The following CNTNAP2 variants were observed in gnomAD, a reference collection of about 807,000 sequenced individuals.
CNTNAP2 encodes the protein contactin associated protein 2.
CNTNAP2 carries 98 observed loss-of-function variants against 155.2 expected under a neutral mutation model. The ratio of observed to expected loss-of-function variants is 0.63; its 90% CI spans 0.54 to 0.75. The LOEUF is 0.75. CNTNAP2 is among the 30% of genes least tolerant of loss of function. The pLI is 0.00. For synonymous variants in CNTNAP2, 651 were observed against 631.2 expected (o/e 1.03, Z -0.47); for missense variants, 1,727 against 1,688.1 (o/e 1.02, Z -0.40).
chr7:147,264,534 C>T (rs1804563970), intron 8 of CNTNAP2, among the ~76,000 whole-genome samples: 1 of 34 alleles, frequency 0.029, no homozygotes, highest in Non-Finnish European at 0.045. Flanking sequence ...TTACTGGTCC[C>T]TGCGGGCCTG....
At chr7:147,367,647 T>C (rs1283206152) in intron 9 of CNTNAP2, among the ~76,000 whole-genome samples, 1 of 152,094 alleles carries the variant, frequency 6.6e-6, no homozygotes, top group Admixed American at 6.6e-5. Flanking sequence ...AATGGAAGAA[T>C]TTACCACCCT....
intron 1 of CNTNAP2, among the ~76,000 whole-genome samples, chr7:146,410,812 G>T (rs980710103): frequency 3.9e-5 from 6 of 152,104 alleles, no homozygotes; most frequent in African/African-American, 1.4e-4. Flanking sequence ...TCTAGCCTCT[G>T]CTTCTCTGAG....
At chr7:146,173,054 A>T (rs1320154800) in intron 1 of CNTNAP2, among the ~76,000 whole-genome samples, 1 of 152,106 alleles carries the variant, frequency 6.6e-6, no homozygotes, top group Non-Finnish European at 1.5e-5. Flanking sequence ...ATATTGATAT[A>T]ATCCTATCTG....
chr7:147,557,459 T>A (rs950009431), intron 11 of CNTNAP2, among the ~76,000 whole-genome samples: 2 of 142,200 alleles, frequency 1.4e-5, no homozygotes, highest in Non-Finnish European at 3.1e-5. Flanking sequence ...ACTTGATGAG[T>A]CTATTTATTT....
At chr7:146,767,606 A>G (rs1802219768) in intron 1 of CNTNAP2, among the ~76,000 whole-genome samples, 1 of 152,196 alleles carries the variant, frequency 6.6e-6, no homozygotes, top group Non-Finnish European at 1.5e-5. Context: ...CAAGAGATAC[A>G]CAAAAGCAAT....
At chr7:146,373,767 T>C (rs1244780267) in intron 1 of CNTNAP2, among the ~76,000 whole-genome samples, 1 of 152,054 alleles carries the variant, frequency 6.6e-6, no homozygotes, top group African/African-American at 2.4e-5. Context: ...TTTTATAGAA[T>C]TGGGGTACAT....
rs1277734033 is a variant in CNTNAP2 at position 147,952,981 on chromosome 7, G to A, written c.2256-24881G>A. Among the ~76,000 whole-genome samples, 28 of 152,156 alleles carry A rather than the reference G, an allele frequency of 1.8e-4. 1 individual carries two copies. Among genetic ancestry groups the A allele is most frequent in the Non-Finnish European group, 4.1e-4 (28 of 68,026 alleles). ...ATTTAGGGAATATTCCCAAGGTCACGTAGTATGTGGCAAAGCAAGCCTGTG... is the reference window on the plus strand; with the variant it reads ...ATTTAGGGAATATTCCCAAGGTCACATAGTATGTGGCAAAGCAAGCCTGTG... On this transcript the variant is annotated intron_variant, in intron 14 of 23. Coordinates refer to ENST00000361727, the MANE Select transcript of CNTNAP2 (RefSeq NM_014141.6).
chr7:148,325,460 C>T (rs927860288), intron 21 of CNTNAP2, among the ~76,000 whole-genome samples: 4 of 152,182 alleles, frequency 2.6e-5, no homozygotes, highest in Non-Finnish European at 4.4e-5. Context: ...CTGTTCTTCC[C>T]TCCTAGGAGA....
chr7:147,880,577 A>C (rs924347259), intron 13 of CNTNAP2, among the ~76,000 whole-genome samples: 25 of 148,938 alleles, frequency 1.7e-4, no homozygotes, highest in African/African-American at 5.8e-4. Flanking sequence ...CGGGACTTGG[A>C]AAGTGCCAAC....
chr7:146,579,756 G>A (rs1798582297), intron 1 of CNTNAP2, among the ~76,000 whole-genome samples: 2 of 151,970 alleles, frequency 1.3e-5, no homozygotes, highest in Non-Finnish European at 2.9e-5. Context: ...AAATACAAAC[G>A]ACATTGAGTA....
At chr7:148,166,899 T>C (rs1805676883) in intron 17 of CNTNAP2, among the ~76,000 whole-genome samples, 1 of 152,124 alleles carries the variant, frequency 6.6e-6, no homozygotes, top group African/African-American at 2.4e-5. Flanking sequence ...TAATTTTCAC[T>C]GATTCTAGTG....
intron 21 of CNTNAP2, among the ~76,000 whole-genome samples, chr7:148,274,095 T>G (rs1442927279): frequency 1.3e-5 from 2 of 152,174 alleles, no homozygotes; most frequent in African/African-American, 4.8e-5. Context: ...CTAGAACATT[T>G]AAGTGCTCAT....
chr7:147,118,965 T>G (rs757960976), intron 5 of CNTNAP2, among the ~76,000 whole-genome samples: 14 of 152,164 alleles, frequency 9.2e-5, no homozygotes, highest in Non-Finnish European at 1.8e-4. Context: ...ATAACGAACG[T>G]GTATTCATTG....
At chr7:146,428,356 C>T (rs1030568716) in intron 1 of CNTNAP2, among the ~76,000 whole-genome samples, 1 of 152,042 alleles carries the variant, frequency 6.6e-6, no homozygotes, top group African/African-American at 2.4e-5. Flanking sequence ...ATTTACATTC[C>T]CATCAACAGT....
At chr7:146,955,374 C>G (rs1797411109) in intron 3 of CNTNAP2, among the ~76,000 whole-genome samples, 1 of 151,920 alleles carries the variant, frequency 6.6e-6, no homozygotes, top group African/African-American at 2.4e-5. Context: ...AGCACGAAGA[C>G]CTGCTTATAT....
chr7:148,271,210 G>A (rs1459824774), intron 21 of CNTNAP2, among the ~76,000 whole-genome samples: 3 of 152,136 alleles, frequency 2.0e-5, no homozygotes, highest in East Asian at 1.9e-4. Context: ...TGTTACCCTC[G>A]TTGTATAGAA....
chr7:148,358,292 C>T (rs932890909), intron 21 of CNTNAP2, among the ~76,000 whole-genome samples: 1 of 152,134 alleles, frequency 6.6e-6, no homozygotes, highest in East Asian at 1.9e-4. Context: ...GGATCCTACG[C>T]AGTTTCAGAA....
rs535669884 is a variant in CNTNAP2 at position 146,856,943 on chromosome 7, G to A, written c.402+17039G>A. On this transcript the variant is annotated intron_variant, in intron 3 of 23. Coordinates refer to ENST00000361727, the MANE Select transcript of CNTNAP2 (RefSeq NM_014141.6). ...GGGACATGATACCTACCTGTAATAC[G>A]TGATCCTAGCCTGGATCCTGTCTTG... Among the ~76,000 whole-genome samples the A allele has an allele frequency of 8.5e-5, 13 of 152,246 alleles. No individual in the cohort carries two copies. In the South Asian group the frequency reaches 1.0e-3, roughly 12 times the overall value.
At chr7:146,551,164 A>G (rs111910752) in intron 1 of CNTNAP2, among the ~76,000 whole-genome samples, 61 of 152,104 alleles carry the variant, frequency 4.0e-4, no homozygotes, top group Non-Finnish European at 1.0e-4. Flanking sequence ...TGTTTACACC[A>G]TATAGTACGA....
Sources: gnomAD v4.1 joint callset for allele counts (sites outside exome capture counted in the v4.1 genomes callset) on GRCh38, gnomAD v4.1.1 for gene constraint, MANE v1.5 for transcripts, NCBI Gene and HGNC (gene_info 2026-07-23, HGNC 2026-07-21) for gene names.